Variants in PLCXD3 observed in about 807,000 individuals in gnomAD.
The protein encoded by PLCXD3 is phosphatidylinositol specific phospholipase C X domain containing 3, also known as PI-PLC X domain-containing protein 3.
PLCXD3 carries 19 observed loss-of-function variants against 25.5 expected under a neutral mutation model. That is an observed-to-expected ratio of 0.75 (90% CI 0.52 to 1.09). The LOEUF is 1.09. Ranked by LOEUF, PLCXD3 falls within the 50% of genes least tolerant of loss-of-function variation. PLCXD3 has a pLI of 0.00. For synonymous variants in PLCXD3, 174 were observed against 137.6 expected, an observed-to-expected ratio of 1.26 and a Z score of -1.85; for missense variants, 411 against 388.1, an observed-to-expected ratio of 1.06 and a Z score of -0.50.
chr5:41,504,052 T>C (rs1253638145), intron 1 of PLCXD3, among the ~76,000 whole-genome samples: 1 of 151,912 alleles, frequency 6.6e-6, no homozygotes, highest in Non-Finnish European at 1.5e-5. Flanking sequence ...GCACATCAAT[T>C]AGCTACTAAT....
At chr5:41,500,427 G>A (rs2111579000) in intron 1 of PLCXD3, among the ~76,000 whole-genome samples, 1 of 151,994 alleles carries the variant, frequency 6.6e-6, no homozygotes, top group Non-Finnish European at 1.5e-5. Flanking sequence ...ACTCAGAAGG[G>A]TGAGGGGATA....
At chr5:41,379,057 T>C (rs1745378173) in intron 2 of PLCXD3, among the ~76,000 whole-genome samples, 1 of 152,136 alleles carries the variant, frequency 6.6e-6, no homozygotes, top group African/African-American at 2.4e-5. Flanking sequence ...CATAGAACTA[T>C]GCTGGAAGCT....
At position 41,390,200 on chromosome 5, in the gene PLCXD3, T is replaced by C. The variant is rs140349179; in HGVS notation, c.104-7666A>G. On this transcript the variant is annotated intron_variant, in intron 1 of 2. Transcript: ENST00000377801. The stretch of plus-strand genomic sequence containing the variant: ...GTATCAGTAGTTTTTTTTCTTTTTA[T>C]TGCTAAATCATATTCCAACAGTATT... Among the ~76,000 whole-genome samples the C allele has an allele frequency of 3.7e-4, 57 of 152,326 alleles. No individual in the cohort carries two copies. In the East Asian group the frequency reaches 7.3e-3, roughly 20 times the overall value.
chr5:41,488,244 C>T (rs571017788), intron 1 of PLCXD3, among the ~76,000 whole-genome samples: 1 of 147,788 alleles, frequency 6.8e-6, no homozygotes, highest in African/African-American at 2.5e-5. Context: ...CATGTCCCTA[C>T]AAAGGACATG....
chr5:41,359,957 C>G lies in PLCXD3; in HGVS notation c.812+21869G>C, dbSNP rs1454107637. ...CCAAACTTTTAGATTTTTCTTCTTA[C>G]TCAGGAATACCAATTATTCTTAGGT... On this transcript the variant is annotated intron_variant, in intron 2 of 2. Coordinates refer to ENST00000377801, the MANE Select transcript of PLCXD3 (RefSeq NM_001005473.3). Among the ~76,000 whole-genome samples the G allele has an allele frequency of 2.0e-5, 3 of 152,120 alleles. No individual in the cohort carries two copies. In the South Asian group the frequency reaches 6.2e-4, roughly 32 times the overall value.
rs569542221 is a variant in PLCXD3 at position 41,490,858 on chromosome 5, A to G, written c.103+19566T>C. On this transcript the variant is annotated intron_variant, in intron 1 of 2. Coordinates refer to ENST00000377801, the MANE Select transcript of PLCXD3 (RefSeq NM_001005473.3). ...TTATTAGTCTTGCTAGAAGTCTATCAATTTTGTTGATCCTTTCAAGAAACC... is the reference window on the plus strand; with the variant it reads ...TTATTAGTCTTGCTAGAAGTCTATCGATTTTGTTGATCCTTTCAAGAAACC... Among the ~76,000 whole-genome samples, 15 of 151,996 alleles carry G rather than the reference A, an allele frequency of 9.9e-5. 1 individual carries two copies. The highest frequency in any genetic ancestry group is 9.8e-4 in the Admixed American group (15 of 15,280).
At chr5:41,396,035 A>G (rs1300203439) in intron 1 of PLCXD3, among the ~76,000 whole-genome samples, 2 of 151,968 alleles carry the variant, frequency 1.3e-5, no homozygotes, top group African/African-American at 2.4e-5. Context: ...AACAAAAAAC[A>G]CAAGTACAGG....
chr5:41,380,231 A>T (rs1745416199), intron 2 of PLCXD3, among the ~76,000 whole-genome samples: 1 of 152,040 alleles, frequency 6.6e-6, no homozygotes, highest in African/African-American at 2.4e-5. Context: ...GACTCTGTGA[A>T]TGCTTCCATT....
chr5:41,502,206 C>T (rs1748965891), intron 1 of PLCXD3, among the ~76,000 whole-genome samples: 1 of 151,992 alleles, frequency 6.6e-6, no homozygotes. Flanking sequence ...AGATCTTCCT[C>T]TTATTTAAAG....
intron 1 of PLCXD3, among the ~76,000 whole-genome samples, chr5:41,389,676 AAAG>A (rs1345933032): frequency 1.3e-5 from 2 of 152,316 alleles, no homozygotes; most frequent in East Asian, 1.9e-4. Context: ...TCAGGAAGTG[AAAG>A]AAGATCTCCC....
intron 2 of PLCXD3, among the ~76,000 whole-genome samples, chr5:41,341,883 G>A (rs543088765): frequency 2.0e-5 from 3 of 152,218 alleles, no homozygotes; most frequent in East Asian, 3.9e-4. Context: ...CAACTCACCT[G>A]GATTACAAAG....
intron 2 of PLCXD3, among the ~76,000 whole-genome samples, chr5:41,332,870 C>G (rs908843439): frequency 6.6e-6 from 1 of 152,118 alleles, no homozygotes; most frequent in Non-Finnish European, 1.5e-5. Flanking sequence ...CGCATATTCT[C>G]ACTCATAGGT....
intron 1 of PLCXD3, among the ~76,000 whole-genome samples, chr5:41,385,023 G>A (rs1480520779): frequency 6.6e-6 from 1 of 152,048 alleles, no homozygotes; most frequent in East Asian, 1.9e-4. Context: ...TATAGTGTTG[G>A]CTAAAAAATG....
chr5:41,406,206 C>G (rs377192408), intron 1 of PLCXD3, among the ~76,000 whole-genome samples: 3 of 152,060 alleles, frequency 2.0e-5, no homozygotes, highest in Non-Finnish European at 4.4e-5. Flanking sequence ...TTAACACCTT[C>G]ATTTCCCTTC....
intron 1 of PLCXD3, among the ~76,000 whole-genome samples, chr5:41,405,480 T>C (rs1746323926): frequency 6.6e-6 from 1 of 152,274 alleles, no homozygotes; most frequent in Non-Finnish European, 1.5e-5. Context: ...ACACTTGTTA[T>C]GTTCACTAAA....
At chr5:41,447,635 A>C (rs1032219084) in intron 1 of PLCXD3, among the ~76,000 whole-genome samples, 5 of 152,346 alleles carry the variant, frequency 3.3e-5, no homozygotes, top group Middle Eastern at 3.4e-3. Context: ...GCCCCAGAGG[A>C]TATTGCATTT....
chr5:41,490,103 T>C (rs1260817706), intron 1 of PLCXD3, among the ~76,000 whole-genome samples: 1 of 151,922 alleles, frequency 6.6e-6, no homozygotes, highest in Non-Finnish European at 1.5e-5. Context: ...TCTTGAGATA[T>C]GTCCCATCAA....
intron 1 of PLCXD3, among the ~76,000 whole-genome samples, chr5:41,393,869 G>T (rs1745915021): frequency 1.3e-5 from 2 of 152,126 alleles, no homozygotes; most frequent in South Asian, 2.1e-4. Flanking sequence ...GGCAGAGCTT[G>T]CAGTGAGCCG....
intron 1 of PLCXD3, among the ~76,000 whole-genome samples, chr5:41,390,420 A>T (rs909657701): frequency 1.3e-5 from 2 of 152,134 alleles, no homozygotes; most frequent in Non-Finnish European, 2.9e-5. Flanking sequence ...TTTACCTTTT[A>T]AGAAATTGAC....
Sources: gnomAD v4.1 joint callset for allele counts (sites outside exome capture counted in the v4.1 genomes callset) on GRCh38, gnomAD v4.1.1 for gene constraint, MANE v1.5 for transcripts, NCBI Gene and HGNC (gene_info 2026-07-23, HGNC 2026-07-21) for gene names.